The following TMEM163 variants were observed in gnomAD, a reference collection of about 807,000 sequenced individuals.
TMEM163 encodes transmembrane protein 163.
In TMEM163, 17 loss-of-function variants were observed where a neutral mutation model predicts 29.3. That is an observed-to-expected ratio of 0.58 (90% CI 0.40 to 0.87). TMEM163 has a LOEUF of 0.87. Among genes scored for constraint, TMEM163 ranks in the 40% least tolerant of loss-of-function variants. The pLI is 0.00. For synonymous variants in TMEM163, 157 were observed against 160.6 expected, an observed-to-expected ratio of 0.98 and a Z score of 0.17; for missense variants, 303 against 381.5, an observed-to-expected ratio of 0.79 and a Z score of 1.71.
At chr2:134,472,870 T>C (rs1430089330) in intron 5 of TMEM163, among the ~76,000 whole-genome samples, 2 of 152,218 alleles carry the variant, frequency 1.3e-5, no homozygotes, top group East Asian at 3.8e-4. Context: ...AACTGAATTA[T>C]ACAAGGCATA....
chr2:134,480,447 CAT>C (rs1221000324), intron 5 of TMEM163, among the ~76,000 whole-genome samples: 3 of 152,164 alleles, frequency 2.0e-5, no homozygotes, highest in African/African-American at 7.2e-5. Flanking sequence ...CATTTATACA[CAT>C]GTGCTTAAAT....
chr2:134,503,149 A>C, intron 4 of TMEM163, 152 bp from the exon 5 acceptor site: 1 of 667,564 alleles, frequency 1.5e-6, no homozygotes. Context: ...CCATGGATTG[A>C]CACTAAGTCA....
intron 2 of TMEM163, among the ~76,000 whole-genome samples, chr2:134,560,675 C>A (rs747086038): frequency 1.3e-5 from 2 of 152,088 alleles, no homozygotes; most frequent in South Asian, 4.2e-4. Context: ...AAGCCAAGAG[C>A]CAACACAGAA....
chr2:134,683,098 G>A (rs1402956221), intron 2 of TMEM163, among the ~76,000 whole-genome samples: 2 of 152,232 alleles, frequency 1.3e-5, no homozygotes, highest in African/African-American at 4.8e-5. Flanking sequence ...CTAAAGGGAG[G>A]AGAAGATGAA....
intron 2 of TMEM163, among the ~76,000 whole-genome samples, chr2:134,595,430 A>G (rs1682054035): frequency 6.6e-6 from 1 of 152,118 alleles, no homozygotes; most frequent in African/African-American, 2.4e-5. Context: ...CCATTTCCCT[A>G]CAAGGGACAT....
At chr2:134,457,742 C>T (rs1043629053) in intron 7 of TMEM163, among the ~76,000 whole-genome samples, 1 of 152,210 alleles carries the variant, frequency 6.6e-6, no homozygotes, top group Non-Finnish European at 1.5e-5. Context: ...GAGGAAGGAG[C>T]ATAGATGTCA....
intron 2 of TMEM163, among the ~76,000 whole-genome samples, chr2:134,631,455 C>G (rs1682968304): frequency 6.6e-6 from 1 of 152,170 alleles, no homozygotes; most frequent in Non-Finnish European, 1.5e-5. Flanking sequence ...CACTAACCCC[C>G]AAGAAGTAGT....
intron 2 of TMEM163, among the ~76,000 whole-genome samples, chr2:134,687,302 T>C (rs1484869729): frequency 6.6e-6 from 1 of 151,962 alleles, no homozygotes; most frequent in Non-Finnish European, 1.5e-5. Flanking sequence ...TTGGGAAGAG[T>C]TGCTTCTCGG....
intron 2 of TMEM163, among the ~76,000 whole-genome samples, chr2:134,672,407 C>T (rs1684014433): frequency 6.6e-6 from 1 of 152,140 alleles, no homozygotes. Flanking sequence ...GGCAGACCAA[C>T]ACGTGCCTAT....
intron 2 of TMEM163, among the ~76,000 whole-genome samples, chr2:134,637,216 G>A (rs1423035488): frequency 6.6e-6 from 1 of 152,240 alleles, no homozygotes; most frequent in Non-Finnish European, 1.5e-5. Flanking sequence ...TCTGTGTGGA[G>A]TTGGCACATT....
At chr2:134,601,717 A>G (rs1682240020) in intron 2 of TMEM163, among the ~76,000 whole-genome samples, 1 of 152,230 alleles carries the variant, frequency 6.6e-6, no homozygotes, top group South Asian at 2.1e-4. Context: ...CAGGGAAATA[A>G]AAACAAAGAA....
intron 5 of TMEM163, among the ~76,000 whole-genome samples, chr2:134,482,187 A>T (rs1679208800): frequency 6.6e-6 from 1 of 152,242 alleles, no homozygotes; most frequent in Non-Finnish European, 1.5e-5. Context: ...AGATAAGACA[A>T]CGATGAGTTG....
rs899356071 is a variant in TMEM163 at position 134,550,190 on chromosome 2, G to C, written c.458+380C>G. On this transcript the variant is annotated intron_variant, in intron 4 of 7. Coordinates refer to ENST00000281924, the MANE Select transcript of TMEM163 (RefSeq NM_030923.5). Reference sequence around the variant, plus strand: ...GAAGGCAAATAGAATAATTTAGAATGCCCTTAAGATGTCTTCTGTAAATGA... The same window carrying C: ...GAAGGCAAATAGAATAATTTAGAATCCCCTTAAGATGTCTTCTGTAAATGA... 2.0e-5 allele frequency among the ~76,000 whole-genome samples: 3 copies of C among 152,128 alleles called. No individual in the cohort carries two copies. In the East Asian group the frequency reaches 5.8e-4, roughly 29 times the overall value.
At chr2:134,652,978 GT>G (rs1256475506) in intron 2 of TMEM163, among the ~76,000 whole-genome samples, 1 of 127,490 alleles carries the variant, frequency 7.8e-6, no homozygotes, top group Admixed American at 7.6e-5. Flanking sequence ...TTGCATCAAT[GT>G]TCATCAAGGA....
At chr2:134,505,001 C>T (rs976871803) in intron 4 of TMEM163, among the ~76,000 whole-genome samples, 2 of 152,172 alleles carry the variant, frequency 1.3e-5, no homozygotes, top group African/African-American at 2.4e-5. Flanking sequence ...TGCCAGGGAC[C>T]TGGAGTAACC....
intron 4 of TMEM163, among the ~76,000 whole-genome samples, chr2:134,541,773 CACACACA>C (rs1680675152): frequency 1.4e-4 from 2 of 14,608 alleles, no homozygotes; most frequent in East Asian, 0.25. Flanking sequence ...TACACACGTG[CACACACA>C]CACACACACA....
chr2:134,498,432 T>C (rs1480826593), intron 5 of TMEM163, among the ~76,000 whole-genome samples: 3 of 150,118 alleles, frequency 2.0e-5, no homozygotes, highest in African/African-American at 7.4e-5. Flanking sequence ...CAAGCAATTC[T>C]TCCACCTCAG....
At chr2:134,482,753 G>A (rs494905) in intron 5 of TMEM163, among the ~76,000 whole-genome samples, 24,958 of 152,122 alleles carry the variant, frequency 0.16, 2,241 homozygotes, top group South Asian at 0.26. Flanking sequence ...ACAAGTTACC[G>A]TGGATTCACA....
chr2:134,502,976 C>T lies in TMEM163; in HGVS notation c.480G>A (p.Val160=). 6.2e-7 allele frequency: 1 copy of T among 1,613,754 alleles called. No individual in the cohort carries two copies. Among genetic ancestry groups the T allele is most frequent in the Non-Finnish European group, 8.5e-7 (1 of 1,179,850 alleles). The change falls in exon 5 of 8, where the codon GTG becomes GTA. Residue 160 remains valine, a synonymous_variant. Transcript: ENST00000281924. ...TACATATGGATGACAGAAGGAATAT[C>T]ACCCCCAAGATGACACAGGCTCTGC... The part of the protein sequence containing the change: ...REYIACVILG[V]IFLLSSICIV...
Sources: gnomAD v4.1 joint callset for allele counts (sites outside exome capture counted in the v4.1 genomes callset) on GRCh38, gnomAD v4.1.1 for gene constraint, MANE v1.5 for transcripts, NCBI Gene and HGNC (gene_info 2026-07-23, HGNC 2026-07-21) for gene names.